Variants in RHOJ observed in about 807,000 individuals in gnomAD.
The protein encoded by RHOJ is rho-related GTP-binding protein RhoJ.
In RHOJ, 11 loss-of-function variants were observed where a neutral mutation model predicts 23.4. That is an observed-to-expected ratio of 0.47 (90% CI 0.30 to 0.78). RHOJ has a LOEUF of 0.78. Ranked by LOEUF, RHOJ falls within the 30% of genes least tolerant of loss-of-function variation. RHOJ has a pLI of 0.08. For missense variants in RHOJ, 254 were observed against 273.4 expected, an observed-to-expected ratio of 0.93 and a Z score of 0.50; for synonymous variants, 102 against 102.7, an observed-to-expected ratio of 0.99 and a Z score of 0.04.
chr14:63,229,233 A>G (rs1894647546), intron 1 of RHOJ, among the ~76,000 whole-genome samples: 2 of 152,054 alleles, frequency 1.3e-5, no homozygotes, highest in South Asian at 4.1e-4. Flanking sequence ...GCTTTAAAGC[A>G]AAAAAAAGAA....
intron 2 of RHOJ, among the ~76,000 whole-genome samples, chr14:63,279,818 T>C (rs1341026838): frequency 6.6e-6 from 1 of 152,244 alleles, no homozygotes; most frequent in Non-Finnish European, 1.5e-5. Context: ...TAACTCTTGT[T>C]TTGCATGTTA....
chr14:63,243,128 G>T (rs1391253471), intron 1 of RHOJ, among the ~76,000 whole-genome samples: 3 of 152,182 alleles, frequency 2.0e-5, no homozygotes, highest in Non-Finnish European at 4.4e-5. Context: ...GGAAAAAAGT[G>T]ATAAAATATA....
At chr14:63,210,870 G>A (rs1293387873) in intron 1 of RHOJ, among the ~76,000 whole-genome samples, 1 of 152,110 alleles carries the variant, frequency 6.6e-6, no homozygotes, top group African/African-American at 2.4e-5. Flanking sequence ...ACCATCCTCT[G>A]TATTATTTTG....
At chr14:63,209,954 T>C (rs2139726542) in intron 1 of RHOJ, among the ~76,000 whole-genome samples, 1 of 149,952 alleles carries the variant, frequency 6.7e-6, no homozygotes, top group Middle Eastern at 3.5e-3. Context: ...TTTTTTTTCC[T>C]TTTTTTTCTT....
intron 4 of RHOJ, chr14:63,284,412 T>A (rs1882014658): frequency 3.2e-6 from 3 of 923,834 alleles, no homozygotes; most frequent in African/African-American, 3.6e-5. Context: ...TATCTCTCAC[T>A]TCAGCCTCAT....
At chr14:63,262,620 C>A (rs1895291855) in intron 1 of RHOJ, among the ~76,000 whole-genome samples, 1 of 152,160 alleles carries the variant, frequency 6.6e-6, no homozygotes, top group African/African-American at 2.4e-5. Flanking sequence ...TTAGTCTGAC[C>A]ACTGTCTGCC....
At chr14:63,252,414 T>C (rs1425156381) in intron 1 of RHOJ, among the ~76,000 whole-genome samples, 2 of 152,216 alleles carry the variant, frequency 1.3e-5, no homozygotes, top group Admixed American at 1.3e-4. Context: ...ATCCAAGAAC[T>C]GTCTACTGAT....
intron 1 of RHOJ, among the ~76,000 whole-genome samples, chr14:63,247,977 G>A (rs1203755829): frequency 1.3e-5 from 2 of 152,040 alleles, no homozygotes; most frequent in African/African-American, 4.8e-5. Flanking sequence ...GATCTCATGA[G>A]ACTTATTCAC....
chr14:63,280,627 ATGT>A (rs1191026497), intron 2 of RHOJ, among the ~76,000 whole-genome samples: 2 of 152,198 alleles, frequency 1.3e-5, no homozygotes, highest in Admixed American at 6.5e-5. Flanking sequence ...ATCAAACACC[ATGT>A]TGTACACCTT....
At chr14:63,280,320 G>A (rs373844929) in intron 2 of RHOJ, among the ~76,000 whole-genome samples, 1 of 152,138 alleles carries the variant, frequency 6.6e-6, no homozygotes, top group Non-Finnish European at 1.5e-5. Context: ...CACTGTGCCT[G>A]GTCAGGTGAA....
chr14:63,234,342 G>A (rs1015956722), intron 1 of RHOJ, among the ~76,000 whole-genome samples: 25 of 152,104 alleles, frequency 1.6e-4, no homozygotes, highest in Non-Finnish European at 1.3e-4. Flanking sequence ...ACTAAACTAC[G>A]ATCCCTCAAG....
intron 1 of RHOJ, among the ~76,000 whole-genome samples, chr14:63,253,176 C>A (rs1349403649): frequency 2.0e-5 from 3 of 152,182 alleles, no homozygotes; most frequent in Non-Finnish European, 4.4e-5. Flanking sequence ...TGTTATCGGT[C>A]CTGAGCCTAA....
rs993559429 is a variant in RHOJ at position 63,224,870 on chromosome 14, G to T, written c.178+19823G>T. On this transcript the variant is annotated intron_variant, in intron 1 of 4. Coordinates refer to ENST00000316754, the MANE Select transcript of RHOJ (RefSeq NM_020663.5). ...GCCCCTCGACCCCATCTCAATTTTGGAAGTGTTTGAGGTCAATCTTCAAGG... is the reference window on the plus strand; with the variant it reads ...GCCCCTCGACCCCATCTCAATTTTGTAAGTGTTTGAGGTCAATCTTCAAGG... Among the ~76,000 whole-genome samples the T allele has an allele frequency of 2.0e-5, 3 of 151,942 alleles. No individual in the cohort carries two copies. The East Asian group carries it at 5.8e-4, about 29-fold the overall frequency.
rs1262802663 is a variant in RHOJ, at chr14:63,290,889, G to A, written c.510G>A (p.Gln170=). 2 of 1,612,866 alleles carry A rather than the reference G, an allele frequency of 1.2e-6. No homozygotes were observed. Among genetic ancestry groups the A allele is most frequent in the South Asian group, 1.1e-5 (1 of 90,904 alleles). Residue 170 remains glutamine (Q), a synonymous_variant, in exon 5 of 5, where the codon CAG becomes CAA. Coordinates refer to ENST00000316754, the MANE Select transcript of RHOJ (RefSeq NM_020663.5). ...CTTTTGTGTTTAAGATCGGAGCACA[G>A]TGCTACTTGGAATGTTCAGCTCTGA... is the stretch of plus-strand genomic sequence containing the variant. The part of the protein sequence containing the change: ...GVKLAKAIGA[Q]CYLECSALTQ...
intron 1 of RHOJ, among the ~76,000 whole-genome samples, chr14:63,232,808 C>A (rs1049654604): frequency 5.3e-5 from 8 of 151,388 alleles, no homozygotes; most frequent in African/African-American, 1.9e-4. Flanking sequence ...GCCATCCTCC[C>A]AACTCAGCCT....
intron 4 of RHOJ, among the ~76,000 whole-genome samples, chr14:63,287,322 G>A (rs541163127): frequency 6.6e-6 from 1 of 152,294 alleles, no homozygotes; most frequent in African/African-American, 2.4e-5. Context: ...GCCTCTCTGG[G>A]TATCAGTTTC....
chr14:63,256,967 G>C (rs558384866), intron 1 of RHOJ, among the ~76,000 whole-genome samples: 1 of 152,186 alleles, frequency 6.6e-6, no homozygotes, highest in South Asian at 2.1e-4. Context: ...AGCTACTCAG[G>C]AGTCTGAGGC....
intron 1 of RHOJ, among the ~76,000 whole-genome samples, chr14:63,259,593 G>A (rs900129788): frequency 2.6e-5 from 4 of 152,134 alleles, no homozygotes; most frequent in Admixed American, 1.3e-4. Flanking sequence ...CAAATTCTGA[G>A]AACATACTTA....
At chr14:63,243,496 T>A (rs1178855200) in intron 1 of RHOJ, among the ~76,000 whole-genome samples, 1 of 152,086 alleles carries the variant, frequency 6.6e-6, no homozygotes, top group Admixed American at 6.6e-5. Flanking sequence ...CCCGCCACCA[T>A]GCCTGGCTAA....
Sources: gnomAD v4.1 joint callset for allele counts (sites outside exome capture counted in the v4.1 genomes callset) on GRCh38, gnomAD v4.1.1 for gene constraint, MANE v1.5 for transcripts, NCBI Gene and HGNC (gene_info 2026-07-23, HGNC 2026-07-21) for gene names.